LRGUK: variants seen among roughly 807,000 people sequenced by gnomAD.
LRGUK encodes the protein leucine rich repeats and guanylate kinase domain containing, also known as leucine-rich repeat and guanylate kinase domain-containing protein.
Under a neutral mutation model 76.0 loss-of-function variants are expected in LRGUK, and 65 were observed. The ratio of observed to expected loss-of-function variants is 0.85; its 90% confidence interval spans 0.70 to 1.05. The LOEUF (loss-of-function observed/expected upper bound fraction) is 1.05. Among genes scored for constraint, LRGUK ranks in the 50% least tolerant of loss-of-function variants. The pLI, the probability that LRGUK is intolerant of heterozygous loss-of-function variation, is 0.00. For synonymous variants in LRGUK, 268 were observed against 265.6 expected (o/e 1.01, Z -0.09); for missense variants, 758 against 732.8 (o/e 1.03, Z -0.40).
chr7:134,233,153 T>C (rs1291126818), intron 16 of LRGUK, among the ~76,000 whole-genome samples: 2 of 152,226 alleles, frequency 1.3e-5, no homozygotes, highest in Admixed American at 1.3e-4. Context: ...TTGCCAGATA[T>C]TGTTATACTT....
intron 5 of LRGUK, among the ~76,000 whole-genome samples, chr7:134,154,738 G>A (rs1441971787): frequency 6.6e-6 from 1 of 152,212 alleles, no homozygotes; most frequent in Admixed American, 6.5e-5. Flanking sequence ...AGGTATGATT[G>A]CAGTGAGCAT....
intron 19 of LRGUK, among the ~76,000 whole-genome samples, chr7:134,262,838 G>A (rs1802764844): frequency 6.6e-6 from 1 of 151,952 alleles, no homozygotes; most frequent in African/African-American, 2.4e-5. Context: ...TGTGGTGGTG[G>A]CATATGCCTG....
At chr7:134,161,701 T>G (rs1342466123) in intron 6 of LRGUK, among the ~76,000 whole-genome samples, 1 of 148,556 alleles carries the variant, frequency 6.7e-6, no homozygotes, top group African/African-American at 2.5e-5. Context: ...TTTTTTTTTT[T>G]TTTTTTTGAG....
At chr7:134,272,374 G>A in the LRGUK span, among the ~76,000 whole-genome samples, 1 of 151,778 alleles carries the variant, frequency 6.6e-6, no homozygotes, top group African/African-American at 2.4e-5. Flanking sequence ...ACTGTGATAG[G>A]GTTTCTGTTC....
exon 20 of LRGUK, chr7:134,264,186 G>T: frequency 2.5e-6 from 1 of 406,238 alleles, no homozygotes; most frequent in Admixed American, 4.5e-5. Flanking sequence ...TTTCTTAAAT[G>T]ATTTTTAAAG....
At chr7:134,248,909 A>G in intron 17 of LRGUK, 42 bp from the exon 18 acceptor site, 1 of 1,381,806 alleles carries the variant, frequency 7.2e-7, no homozygotes, top group South Asian at 1.8e-5. Context: ...TATCTTTACA[A>G]AATCCTTTGG....
intron 1 of LRGUK, among the ~76,000 whole-genome samples, chr7:134,131,695 C>A (rs1346061340): frequency 2.0e-5 from 3 of 152,162 alleles, no homozygotes; most frequent in Middle Eastern, 6.8e-3. Context: ...ATACTGGAGG[C>A]AAGGAGATCA....
intron 5 of LRGUK, among the ~76,000 whole-genome samples, chr7:134,150,647 T>G (rs1798180756): frequency 6.6e-6 from 1 of 152,194 alleles, no homozygotes; most frequent in Non-Finnish European, 1.5e-5. Context: ...CAGAAAAACA[T>G]TCTATGTTTT....
chr7:134,258,145 C>T, intron 18 of LRGUK, 112 bp from the exon 19 acceptor site: 1 of 1,308,812 alleles, frequency 7.6e-7, no homozygotes, highest in East Asian at 2.3e-5. Flanking sequence ...TGTCCACTAA[C>T]TACTGTGAAC....
At chr7:134,144,493 G>A (rs533899806) in intron 4 of LRGUK, among the ~76,000 whole-genome samples, 2 of 152,262 alleles carry the variant, frequency 1.3e-5, no homozygotes, top group African/African-American at 2.4e-5. Flanking sequence ...ATCTGGAAAC[G>A]ATCACCCTGG....
chr7:134,226,637 AT>A (rs1361058286), intron 16 of LRGUK, among the ~76,000 whole-genome samples: 1 of 152,200 alleles, frequency 6.6e-6, no homozygotes, highest in Admixed American at 6.5e-5. Flanking sequence ...TAACTTTTGA[AT>A]AATGTGACAG....
At chr7:134,135,814 T>A (rs1056846710) in intron 1 of LRGUK, among the ~76,000 whole-genome samples, 8 of 152,148 alleles carry the variant, frequency 5.3e-5, no homozygotes, top group African/African-American at 1.9e-4. Flanking sequence ...CGCCACCACA[T>A]CCGGCTAATT....
chr7:134,217,103 T>C (rs138067810), intron 15 of LRGUK, among the ~76,000 whole-genome samples: 14 of 152,208 alleles, frequency 9.2e-5, no homozygotes, highest in Middle Eastern at 6.8e-3. Flanking sequence ...CTGTTCTATG[T>C]GTTTTATCTT....
At chr7:134,222,963 A>C (rs1801640142) in intron 16 of LRGUK, among the ~76,000 whole-genome samples, 1 of 152,204 alleles carries the variant, frequency 6.6e-6, no homozygotes, top group African/African-American at 2.4e-5. Context: ...TCAGTGGTCA[A>C]AAGAATCAGA....
intron 11 of LRGUK, 147 bp downstream of exon 11, chr7:134,184,000 AG>A (rs1799873019): frequency 1.8e-6 from 2 of 1,093,344 alleles, no homozygotes; most frequent in African/African-American, 3.2e-5. Context: ...TTAATATTTA[AG>A]TTACACTTTA....
intron 11 of LRGUK, among the ~76,000 whole-genome samples, chr7:134,190,884 G>A (rs1800188562): frequency 6.8e-6 from 1 of 148,118 alleles, no homozygotes; most frequent in Non-Finnish European, 1.5e-5. Context: ...AAAGAAAGCA[G>A]TTCTGGGGAT....
At chr7:134,234,575 T>C (rs778064299) in intron 16 of LRGUK, among the ~76,000 whole-genome samples, 4 of 152,160 alleles carry the variant, frequency 2.6e-5, no homozygotes, top group Non-Finnish European at 4.4e-5. Context: ...TAGCATCATA[T>C]TCCTTCTTGT....
chr7:134,252,339 TAATTAAATTAAATTAAATTAAATTA>T (rs146773478), intron 18 of LRGUK, among the ~76,000 whole-genome samples: 1 of 145,666 alleles, frequency 6.9e-6, no homozygotes, highest in African/African-American at 2.5e-5. Flanking sequence ...CTCAAATAGA[TAATTAAATTAAATTAAATTAAATTA>T]AATTAAATTA....
intron 5 of LRGUK, among the ~76,000 whole-genome samples, chr7:134,157,281 C>G (rs1798509402): frequency 6.6e-6 from 1 of 152,156 alleles, no homozygotes; most frequent in Non-Finnish European, 1.5e-5. Flanking sequence ...TTGGACCACC[C>G]ATTTGCTGCA....
Sources: allele counts gnomAD v4.1 joint callset (sites outside exome capture counted in the v4.1 genomes callset), GRCh38; gene constraint gnomAD v4.1.1; transcripts MANE v1.5; gene names NCBI Gene and HGNC (gene_info 2026-07-23, HGNC 2026-07-21).